The following NCKAP5 variants were observed in gnomAD, a reference collection of about 807,000 sequenced individuals.
NCKAP5 encodes the protein NCK associated protein 5.
A neutral mutation model predicts 167.0 loss-of-function variants in NCKAP5; 92 were observed. That is an observed-to-expected ratio of 0.55 (90% CI 0.47 to 0.66). The LOEUF is 0.66. Among genes scored for constraint, NCKAP5 ranks in the 30% least tolerant of loss-of-function variants. The pLI is 0.00. For missense variants in NCKAP5, 2,378 were observed against 2,315.0 expected (o/e 1.03, Z -0.56); for synonymous variants, 891 against 877.4 (o/e 1.02, Z -0.27).
At chr2:133,029,694 T>C (rs573874228) in intron 6 of NCKAP5, among the ~76,000 whole-genome samples, 1 of 152,278 alleles carries the variant, frequency 6.6e-6, no homozygotes, top group South Asian at 2.1e-4. Context: ...AAATGAGCGC[T>C]ACTTGCCACA....
chr2:133,011,448 GAGGGAA>G (rs1258601575), intron 6 of NCKAP5, among the ~76,000 whole-genome samples: 2 of 152,242 alleles, frequency 1.3e-5, no homozygotes, highest in Non-Finnish European at 2.9e-5. Flanking sequence ...TTGGAAAAGA[GAGGGAA>G]AGGGCCTGTT....
chr2:132,912,760 A>G (rs1042217121), intron 8 of NCKAP5, among the ~76,000 whole-genome samples: 2 of 152,328 alleles, frequency 1.3e-5, no homozygotes, highest in East Asian at 1.9e-4. Context: ...AACTTTCAGC[A>G]GGAACACGAT....
chr2:133,010,006 G>A (rs2078099374), intron 6 of NCKAP5, among the ~76,000 whole-genome samples: 1 of 151,758 alleles, frequency 6.6e-6, no homozygotes, highest in South Asian at 2.1e-4. Flanking sequence ...GGGAGGCAGA[G>A]CTTGCAGTGA....
chr2:133,246,682 T>C (rs567646690), intron 4 of NCKAP5, among the ~76,000 whole-genome samples: 2 of 152,370 alleles, frequency 1.3e-5, no homozygotes, highest in South Asian at 4.1e-4. Flanking sequence ...TTTATATGCA[T>C]ACCGCGTTGA....
intron 3 of NCKAP5, among the ~76,000 whole-genome samples, chr2:133,318,898 A>G (rs1475984601): frequency 6.6e-6 from 1 of 152,136 alleles, no homozygotes; most frequent in Admixed American, 6.5e-5. Flanking sequence ...GACAATTAAG[A>G]TCTAATGCAA....
chr2:132,744,505 T>C (rs1679478498), intron 16 of NCKAP5, among the ~76,000 whole-genome samples: 1 of 151,344 alleles, frequency 6.6e-6, no homozygotes, highest in Non-Finnish European at 1.5e-5. Flanking sequence ...TTAACAAAAA[T>C]GTACAGCACA....
intron 3 of NCKAP5, among the ~76,000 whole-genome samples, chr2:133,484,975 T>C (rs539515200): frequency 7.9e-5 from 12 of 152,318 alleles, no homozygotes; most frequent in African/African-American, 2.9e-4. Context: ...TAATCATTAA[T>C]ATTTTTGTGG....
chr2:133,069,485 T>G (rs1559108304), intron 6 of NCKAP5, among the ~76,000 whole-genome samples: 2 of 152,348 alleles, frequency 1.3e-5, no homozygotes, highest in East Asian at 3.9e-4. Context: ...CTCAAGGACT[T>G]CCTCTCTGTT....
chr2:132,859,458 G>C (rs1168960105), intron 11 of NCKAP5, among the ~76,000 whole-genome samples: 1 of 152,220 alleles, frequency 6.6e-6, no homozygotes, highest in African/African-American at 2.4e-5. Flanking sequence ...TGTCTACTAA[G>C]GTAGTCCCTG....
At chr2:133,562,603 T>C (rs973971987) in intron 1 of NCKAP5, among the ~76,000 whole-genome samples, 1 of 152,194 alleles carries the variant, frequency 6.6e-6, no homozygotes, top group African/African-American at 2.4e-5. Flanking sequence ...TTATCTGCCA[T>C]GTTATTATTC....
intron 8 of NCKAP5, among the ~76,000 whole-genome samples, chr2:132,945,403 CGAA>C (rs1225983765): frequency 6.6e-6 from 1 of 151,998 alleles, no homozygotes; most frequent in African/African-American, 2.4e-5. Context: ...GTGGCAGCAA[CGAA>C]ATCATCTAGT....
At chr2:133,174,459 C>T (rs6722768) in intron 5 of NCKAP5, among the ~76,000 whole-genome samples, 8,866 of 152,172 alleles carry the variant, frequency 0.058, 275 homozygotes, top group African/African-American at 0.066. Flanking sequence ...TTCTATTATT[C>T]CTCATACTTT....
chr2:133,155,264 C>T (rs1287988931), intron 5 of NCKAP5, among the ~76,000 whole-genome samples: 1 of 152,164 alleles, frequency 6.6e-6, no homozygotes, highest in East Asian at 1.9e-4. Flanking sequence ...TTTTATTCAC[C>T]TGACTCAATG....
chr2:132,847,695 A>C (rs1688767183), intron 11 of NCKAP5, among the ~76,000 whole-genome samples: 1 of 152,246 alleles, frequency 6.6e-6, no homozygotes, highest in Non-Finnish European at 1.5e-5. Context: ...TATCATCACC[A>C]GTCAAAAAAT....
chr2:133,202,381 T>A (rs2085735635), intron 5 of NCKAP5, among the ~76,000 whole-genome samples: 1 of 152,136 alleles, frequency 6.6e-6, no homozygotes, highest in Non-Finnish European at 1.5e-5. Flanking sequence ...TATACAAAAA[T>A]TAATTCAAAA....
chr2:133,460,911 T>A (rs1692161741), intron 3 of NCKAP5, among the ~76,000 whole-genome samples: 1 of 152,124 alleles, frequency 6.6e-6, no homozygotes, highest in African/African-American at 2.4e-5. Flanking sequence ...AATCAAAGCA[T>A]TATTTATAGT....
intron 3 of NCKAP5, among the ~76,000 whole-genome samples, chr2:133,404,931 T>G (rs898582768): frequency 1.3e-5 from 2 of 152,192 alleles, no homozygotes; most frequent in African/African-American, 2.4e-5. Context: ...AGATGTGTGA[T>G]GAGATTAGTG....
At chr2:133,107,203 G>A (rs1408234093) in intron 6 of NCKAP5, among the ~76,000 whole-genome samples, 4 of 152,150 alleles carry the variant, frequency 2.6e-5, no homozygotes, top group African/African-American at 4.8e-5. Flanking sequence ...AAGGGACCAC[G>A]GCCAGCGCCC....
At chr2:132,768,927 C>T (rs1204561594) in intron 16 of NCKAP5, among the ~76,000 whole-genome samples, 1 of 148,154 alleles carries the variant, frequency 6.7e-6, no homozygotes, top group Admixed American at 6.7e-5. Context: ...GTGTGAGCCA[C>T]CACACCTGGC....
Sources: gnomAD v4.1 joint callset for allele counts (sites outside exome capture counted in the v4.1 genomes callset) on GRCh38, gnomAD v4.1.1 for gene constraint, MANE v1.5 for transcripts, NCBI Gene and HGNC (gene_info 2026-07-23, HGNC 2026-07-21) for gene names.